Variants in HS3ST3A1 observed in about 807,000 individuals in gnomAD.
HS3ST3A1 encodes the protein heparan sulfate glucosamine 3-O-sulfotransferase 3A1.
A neutral mutation model predicts 25.7 loss-of-function variants in HS3ST3A1; 19 were observed. The ratio of observed to expected loss-of-function variants is 0.74; its 90% CI spans 0.52 to 1.08. HS3ST3A1 has a LOEUF of 1.08. Among genes scored for constraint, HS3ST3A1 ranks in the 50% least tolerant of loss-of-function variants. The pLI is 0.00. For synonymous variants in HS3ST3A1, 226 were observed against 278.6 expected (o/e 0.81, Z 1.88); for missense variants, 459 against 594.3 (o/e 0.77, Z 2.37).
intron 1 of HS3ST3A1, among the ~76,000 whole-genome samples, chr17:13,526,551 A>G (rs1476450109): frequency 7.4e-6 from 1 of 134,820 alleles, no homozygotes; most frequent in Non-Finnish European, 1.6e-5. Flanking sequence ...TCATTTCCTC[A>G]AGGTTAAAAA....
intron 1 of HS3ST3A1, among the ~76,000 whole-genome samples, chr17:13,540,446 T>C (rs1906897516): frequency 6.6e-6 from 1 of 152,192 alleles, no homozygotes; most frequent in Non-Finnish European, 1.5e-5. Context: ...ATTTCTAGGG[T>C]TCCTTCCATC....
chr17:13,525,465 A>C (rs1351373733), intron 1 of HS3ST3A1, among the ~76,000 whole-genome samples: 2 of 151,384 alleles, frequency 1.3e-5, no homozygotes, highest in African/African-American at 4.9e-5. Context: ...TTGTGTGCTG[A>C]TGTTGTTGTT....
chr17:13,527,005 A>G (rs1906452903), intron 1 of HS3ST3A1, among the ~76,000 whole-genome samples: 1 of 152,120 alleles, frequency 6.6e-6, no homozygotes, highest in Non-Finnish European at 1.5e-5. Flanking sequence ...CTGGCTGGGC[A>G]CTATTCTGGG....
intron 1 of HS3ST3A1, among the ~76,000 whole-genome samples, chr17:13,555,387 G>T (rs1907345555): frequency 6.6e-6 from 1 of 152,136 alleles, no homozygotes; most frequent in Non-Finnish European, 1.5e-5. Context: ...ATTCAACTTG[G>T]CAATGGGGAG....
chr17:13,561,028 G>A (rs147057955), intron 1 of HS3ST3A1, among the ~76,000 whole-genome samples: 324 of 152,278 alleles, frequency 2.1e-3, no homozygotes, highest in African/African-American at 7.4e-3. Flanking sequence ...ATTTCTGTTT[G>A]TAACACATCT....
At chr17:13,592,842 C>T (rs781645658) in intron 1 of HS3ST3A1, among the ~76,000 whole-genome samples, 13 of 152,176 alleles carry the variant, frequency 8.5e-5, no homozygotes, top group Admixed American at 2.6e-4. Flanking sequence ...AAGCAGAAAA[C>T]GACAGCACAC....
At chr17:13,511,619 G>A (rs1352316401) in intron 1 of HS3ST3A1, among the ~76,000 whole-genome samples, 1 of 151,330 alleles carries the variant, frequency 6.6e-6, no homozygotes, top group Non-Finnish European at 1.5e-5. Flanking sequence ...ATTTTATAAT[G>A]AAGCAACTGA....
chr17:13,526,477 TATATA>T (rs1906427883), intron 1 of HS3ST3A1, among the ~76,000 whole-genome samples: 1 of 35,236 alleles, frequency 2.8e-5, no homozygotes, highest in African/African-American at 1.1e-4. Flanking sequence ...TTAATTTTTA[TATATA>T]TATATATATA....
At chr17:13,591,161 C>T (rs1265160526) in intron 1 of HS3ST3A1, among the ~76,000 whole-genome samples, 2 of 151,476 alleles carry the variant, frequency 1.3e-5, no homozygotes, top group Non-Finnish European at 2.9e-5. Context: ...ATCCTCTTAC[C>T]TCAGCCTCCG....
intron 1 of HS3ST3A1, among the ~76,000 whole-genome samples, chr17:13,539,969 C>T (rs1163226319): frequency 1.3e-5 from 2 of 152,168 alleles, no homozygotes; most frequent in African/African-American, 4.8e-5. Flanking sequence ...CTCCTGGGCA[C>T]CCCAGTTTGG....
At chr17:13,594,360 G>A (rs1251816774) in intron 1 of HS3ST3A1, among the ~76,000 whole-genome samples, 5 of 152,072 alleles carry the variant, frequency 3.3e-5, no homozygotes, top group Admixed American at 6.5e-5. Flanking sequence ...GCGCAGAAAC[G>A]CCTGTCCTGT....
rs145360268 is a variant in HS3ST3A1, at chr17:13,579,216, C to T, written c.599+21315G>A. On this transcript the variant is annotated intron_variant, in intron 1 of 1. Coordinates refer to ENST00000284110, the MANE Select transcript of HS3ST3A1 (RefSeq NM_006042.3). The stretch of plus-strand genomic sequence containing the variant: ...AAAATCATACAACCATTTTGGACGT[C>T]GATTTGGCAGTATGTATCAAATGTT... Among the ~76,000 whole-genome samples, 920 of 152,208 alleles carry T rather than the reference C, an allele frequency of 6.0e-3. 4 individuals are homozygous for T. The highest frequency in any genetic ancestry group is 0.024 in the Middle Eastern group (7 of 294).
At chr17:13,543,148 C>T (rs1040242486) in intron 1 of HS3ST3A1, among the ~76,000 whole-genome samples, 18 of 152,144 alleles carry the variant, frequency 1.2e-4, no homozygotes, top group African/African-American at 4.1e-4. Flanking sequence ...GTTCTGTGAG[C>T]CACTCTAGCA....
intron 1 of HS3ST3A1, among the ~76,000 whole-genome samples, chr17:13,553,421 T>A (rs149518349): frequency 0.011 from 1,621 of 152,290 alleles, 37 homozygotes; most frequent in South Asian, 0.063. Context: ...CACTGGCAGC[T>A]TTAAATAACA....
chr17:13,592,809 C>T (rs537467968), intron 1 of HS3ST3A1, among the ~76,000 whole-genome samples: 1 of 152,112 alleles, frequency 6.6e-6, no homozygotes, highest in Admixed American at 6.5e-5. Flanking sequence ...CCCAGATAAA[C>T]ATAACTGTGT....
At position 13,600,553 on chromosome 17, in the gene HS3ST3A1, C is replaced by A. The variant is rs772213817; in HGVS notation, c.577G>T (p.Asp193Tyr). The A allele has an allele frequency of 1.9e-6, 3 of 1,600,882 alleles. No homozygotes were observed. Among genetic ancestry groups the A allele is most frequent in the African/African-American group, 1.3e-5 (1 of 74,572 alleles). ...CACCGGTACCAGGCGAGGCCCTTGT[C>A]GTAGCTGCGGTCGAAGAAGTGGGGC... Reference protein sequence around the residue: ...AEPHFFDRSYDKGLAWYRDLM... With the variant: ...AEPHFFDRSYYKGLAWYRDLM... Residue 193 changes from aspartate to tyrosine, a missense_variant, in exon 1 of 2, where the codon GAC becomes TAC. By Grantham distance (160) the Asp-to-Tyr change is radical. Around this residue, in one of 3 missense-constraint regions of HS3ST3A1, gnomAD observed 346 missense variants for 303.9 expected, o/e 1.14. Transcript: ENST00000284110.
intron 1 of HS3ST3A1, among the ~76,000 whole-genome samples, chr17:13,589,650 G>C (rs752532760): frequency 5.9e-5 from 9 of 152,072 alleles, no homozygotes; most frequent in Non-Finnish European, 8.8e-5. Context: ...AGAATAAGTA[G>C]AGTTCACCAG....
intron 1 of HS3ST3A1, among the ~76,000 whole-genome samples, chr17:13,576,678 A>G (rs1907955780): frequency 6.6e-6 from 1 of 152,212 alleles, no homozygotes; most frequent in African/African-American, 2.4e-5. Context: ...GTGTCCAAAA[A>G]CTTTTAATAA....
chr17:13,528,609 C>T (rs550601380), intron 1 of HS3ST3A1, among the ~76,000 whole-genome samples: 1 of 152,280 alleles, frequency 6.6e-6, no homozygotes, highest in South Asian at 2.1e-4. Flanking sequence ...CTCTCTAAGA[C>T]ACCTTTTGTA....
Sources: gnomAD v4.1 joint callset for allele counts (sites outside exome capture counted in the v4.1 genomes callset) on GRCh38, gnomAD v4.1.1 for gene constraint, gnomAD v4.1.1 regional missense constraint, MANE v1.5 for transcripts, NCBI Gene and HGNC (gene_info 2026-07-23, HGNC 2026-07-21) for gene names.